GPR176: variants seen among roughly 807,000 people sequenced by gnomAD.
GPR176 encodes the protein G protein-coupled receptor 176, also known as G-protein coupled receptor 176.
In GPR176, 26 loss-of-function variants were observed where a neutral mutation model predicts 35.4. The observed-to-expected ratio is 0.74, with a 90% CI of 0.54 to 1.02. The LOEUF is 1.02. Among genes scored for constraint, GPR176 ranks in the 50% least tolerant of loss-of-function variants. The pLI, the probability that GPR176 is intolerant of heterozygous loss-of-function variation, is 0.00. For missense variants in GPR176, 597 were observed against 665.3 expected (o/e 0.90, Z 1.13); for synonymous variants, 278 against 271.3 (o/e 1.02, Z -0.24).
At chr15:39,901,312 G>A (rs1452566343) in intron 1 of GPR176, among the ~76,000 whole-genome samples, 1 of 152,208 alleles carries the variant, frequency 6.6e-6, no homozygotes, top group Non-Finnish European at 1.5e-5. Flanking sequence ...GGCAGAAGCA[G>A]AACTAGGAAC....
chr15:39,908,786 T>C (rs1434673643), intron 1 of GPR176, among the ~76,000 whole-genome samples: 1 of 152,164 alleles, frequency 6.6e-6, no homozygotes. Context: ...GATGGCGCCT[T>C]TAGCAACATC....
At chr15:39,855,523 G>A (rs966764051) in intron 1 of GPR176, among the ~76,000 whole-genome samples, 1 of 152,202 alleles carries the variant, frequency 6.6e-6, no homozygotes, top group Admixed American at 6.5e-5. Flanking sequence ...TGTGGGAAGA[G>A]TGGAGCCTCT....
intron 1 of GPR176, among the ~76,000 whole-genome samples, chr15:39,818,665 C>T (rs769353986): frequency 5.3e-5 from 8 of 152,180 alleles, no homozygotes; most frequent in South Asian, 2.1e-4. Context: ...CTGTACAGCA[C>T]GATCAAAACA....
chr15:39,918,860 G>T (rs2033797635), intron 1 of GPR176, among the ~76,000 whole-genome samples: 1 of 152,176 alleles, frequency 6.6e-6, no homozygotes, highest in African/African-American at 2.4e-5. Flanking sequence ...AGTTATCTTG[G>T]TTTCCATAGA....
At chr15:39,864,447 A>G (rs1345527540) in intron 1 of GPR176, among the ~76,000 whole-genome samples, 1 of 146,316 alleles carries the variant, frequency 6.8e-6, no homozygotes, top group Non-Finnish European at 1.5e-5. Flanking sequence ...CATATGCAGA[A>G]GAATGAAACT....
intron 1 of GPR176, among the ~76,000 whole-genome samples, chr15:39,822,855 C>T (rs1188781407): frequency 6.6e-6 from 1 of 152,076 alleles, no homozygotes; most frequent in African/African-American, 2.4e-5. Context: ...TTGGAAACAC[C>T]ATAAAAGCCA....
At chr15:39,857,441 T>C (rs910139717) in intron 1 of GPR176, among the ~76,000 whole-genome samples, 2 of 147,264 alleles carry the variant, frequency 1.4e-5, no homozygotes, top group Non-Finnish European at 3.0e-5. Flanking sequence ...CTTTGGGAGG[T>C]TGAGGACTGC....
intron 1 of GPR176, among the ~76,000 whole-genome samples, chr15:39,863,380 T>C (rs930192094): frequency 6.6e-6 from 1 of 151,650 alleles, no homozygotes; most frequent in South Asian, 2.1e-4. Context: ...ATTTTTTCTA[T>C]TTAAAATAGA....
chr15:39,878,839 A>G (rs976421851), intron 1 of GPR176, among the ~76,000 whole-genome samples: 5 of 152,276 alleles, frequency 3.3e-5, no homozygotes, highest in Admixed American at 2.6e-4. Context: ...AATAAAACAA[A>G]AAGTAAATGA....
intron 1 of GPR176, among the ~76,000 whole-genome samples, chr15:39,896,217 C>A (rs1036864169): frequency 2.7e-5 from 4 of 147,872 alleles, no homozygotes; most frequent in Non-Finnish European, 6.1e-5. Flanking sequence ...TGCCACCACA[C>A]CCAGCTAGTA....
At chr15:39,807,424 T>C in intron 1 of GPR176, 166 bp from the exon 2 acceptor site, 1 of 734,806 alleles carries the variant, frequency 1.4e-6, no homozygotes, top group East Asian at 2.9e-5. Flanking sequence ...TACATTACAG[T>C]CAATTTATGT....
intron 1 of GPR176, among the ~76,000 whole-genome samples, chr15:39,817,246 C>T (rs949660501): frequency 6.6e-5 from 10 of 152,124 alleles, no homozygotes; most frequent in African/African-American, 2.4e-4. Flanking sequence ...TGAAAGCATT[C>T]CTGAATATCT....
Position 39,801,128 on chromosome 15 carries a change from C to T in GPR176, c.*4G>A. ...CCGTTGCTTCCAAGAATTTACAATC[C>T]TTGCTAGGAATCCACCTTTGGAAAA... On this transcript the variant is annotated 3_prime_UTR_variant, in exon 3 of 3. Transcript: ENST00000561100. 6.3e-7 allele frequency: 1 copy of T among 1,584,604 alleles called. No homozygotes were observed. Among genetic ancestry groups the T allele is most frequent in the South Asian group, 1.2e-5 (1 of 86,234 alleles).
intron 1 of GPR176, among the ~76,000 whole-genome samples, chr15:39,911,335 T>G (rs938566118): frequency 2.0e-5 from 3 of 152,166 alleles, no homozygotes; most frequent in African/African-American, 7.2e-5. Flanking sequence ...TGTTACAAAC[T>G]TATTTAGTGC....
rs1352808383 is a variant in GPR176, at chr15:39,801,677, G to A, written c.1003C>T (p.Leu335=). 5 of 1,613,296 alleles carry A rather than the reference G, an allele frequency of 3.1e-6. No homozygotes were observed. The highest frequency in any genetic ancestry group is 2.5e-6 in the Non-Finnish European group (3 of 1,179,444). Residue 335 remains leucine, a synonymous_variant, in exon 3 of 3, where the codon CTG becomes TTG. Coordinates refer to ENST00000561100, the MANE Select transcript of GPR176 (RefSeq NM_007223.3). ...KSVRKCLIGT[L]VQLHHRYSRR... ...CTGTACCGGTGGTGTAGTTGCACCA[G>A]GGTCCCTATCAAGCACTTGCGGACA...
At chr15:39,884,731 C>T (rs1265584054) in intron 1 of GPR176, among the ~76,000 whole-genome samples, 1 of 152,186 alleles carries the variant, frequency 6.6e-6, no homozygotes, top group African/African-American at 2.4e-5. Flanking sequence ...GGGCAAAAGA[C>T]ATGCCCCAGC....
intron 1 of GPR176, among the ~76,000 whole-genome samples, chr15:39,888,251 T>C (rs1012545365): frequency 6.0e-5 from 9 of 150,962 alleles, no homozygotes; most frequent in Admixed American, 5.3e-4. Context: ...GTTGGTTTTT[T>C]TGGGGGGTGA....
At chr15:39,873,537 T>C (rs1006433199) in intron 1 of GPR176, among the ~76,000 whole-genome samples, 9 of 151,930 alleles carry the variant, frequency 5.9e-5, no homozygotes, top group Non-Finnish European at 1.2e-4. Context: ...AGAGCTAATC[T>C]GTGAATTTCA....
At chr15:39,893,825 G>A (rs1467318979) in intron 1 of GPR176, among the ~76,000 whole-genome samples, 4 of 146,492 alleles carry the variant, frequency 2.7e-5, no homozygotes, top group African/African-American at 5.1e-5. Context: ...TGGCCTGGCA[G>A]AGGGGCTCCT....
Sources: gnomAD v4.1 joint callset for allele counts (sites outside exome capture counted in the v4.1 genomes callset) on GRCh38, gnomAD v4.1.1 for gene constraint, MANE v1.5 for transcripts, NCBI Gene and HGNC (gene_info 2026-07-23, HGNC 2026-07-21) for gene names.